The following CFAP77 variants were observed in gnomAD, a reference collection of about 807,000 sequenced individuals.
CFAP77 encodes cilia and flagella associated protein 77.
In CFAP77, 25 loss-of-function variants were observed where a neutral mutation model predicts 31.1. The ratio of observed to expected loss-of-function variants is 0.80; its 90% CI spans 0.59 to 1.12. The LOEUF is 1.12. Among genes scored for constraint, CFAP77 ranks in the 50% most tolerant of loss-of-function variants. The pLI, the probability that CFAP77 is intolerant of heterozygous loss-of-function variation, is 0.00. For synonymous variants in CFAP77, 151 were observed against 159.9 expected (o/e 0.94, Z 0.42); for missense variants, 377 against 397.3 (o/e 0.95, Z 0.44).
At chr9:132,462,562 G>A (rs1433345043) in intron 1 of CFAP77, among the ~76,000 whole-genome samples, 4 of 152,126 alleles carry the variant, frequency 2.6e-5, no homozygotes, top group African/African-American at 9.7e-5. Context: ...GCAAGAACAC[G>A]TTTGTCTTTG....
chr9:132,557,923 A>G (rs968690917), intron 5 of CFAP77, among the ~76,000 whole-genome samples: 5 of 152,174 alleles, frequency 3.3e-5, no homozygotes, highest in African/African-American at 1.2e-4. Flanking sequence ...AGCATCACTG[A>G]TACCATGGGA....
chr9:132,566,687 T>C (rs75965477), intron 5 of CFAP77, among the ~76,000 whole-genome samples: 5,585 of 152,292 alleles, frequency 0.037, 203 homozygotes, highest in Non-Finnish European at 0.05. Flanking sequence ...GTGGACACTT[T>C]TGCTCGAGTT....
intron 1 of CFAP77, among the ~76,000 whole-genome samples, chr9:132,458,188 T>TA (rs1305446136): frequency 6.6e-6 from 1 of 152,114 alleles, no homozygotes; most frequent in African/African-American, 2.4e-5. Flanking sequence ...AATCAGAACA[T>TA]AAAGAGGGAC....
At chr9:132,457,974 A>T (rs1234900437) in intron 1 of CFAP77, among the ~76,000 whole-genome samples, 1 of 152,214 alleles carries the variant, frequency 6.6e-6, no homozygotes, top group Non-Finnish European at 1.5e-5. Context: ...TCCCAGGCAC[A>T]GTTAGGAGTC....
chr9:132,432,764 A>G (rs1008856955), intron 1 of CFAP77, among the ~76,000 whole-genome samples: 3 of 151,766 alleles, frequency 2.0e-5, no homozygotes, highest in African/African-American at 7.3e-5. Flanking sequence ...CCTGGGCTGG[A>G]GTGCAGTGGC....
intron 5 of CFAP77, among the ~76,000 whole-genome samples, chr9:132,558,904 C>T (rs1852948401): frequency 6.6e-6 from 1 of 151,610 alleles, no homozygotes; most frequent in Non-Finnish European, 1.5e-5. Context: ...ATCCCAGTTG[C>T]TCAGGAGGCT....
chr9:132,487,615 T>C (rs55692255), intron 1 of CFAP77, among the ~76,000 whole-genome samples: 88 of 151,444 alleles, frequency 5.8e-4, no homozygotes, highest in Non-Finnish European at 1.1e-3. Flanking sequence ...GTAACAGTAG[T>C]CCATGTAGAA....
At chr9:132,500,003 A>C (rs1297486836) in intron 3 of CFAP77, among the ~76,000 whole-genome samples, 26 of 152,040 alleles carry the variant, frequency 1.7e-4, no homozygotes, top group Admixed American at 6.6e-5. Context: ...AATTTTAAAA[A>C]TTAGCTGGGC....
rs1294599092 is a variant in CFAP77 at position 132,481,557 on chromosome 9, A to C, written c.196-17138A>C. 2.0e-5 allele frequency among the ~76,000 whole-genome samples: 3 copies of C among 152,162 alleles called. No individual in the cohort carries two copies. The highest frequency in any genetic ancestry group is 7.2e-5 in the African/African-American group (3 of 41,436). On this transcript the variant is annotated intron_variant, in intron 1 of 5. Transcript: ENST00000393216. The surrounding 1 kb of genome is among the most constrained non-coding windows in gnomAD (Gnocchi z 5.0). Reference sequence around the variant, plus strand: ...CCGCTCCTGCTAGAGGAGGAGAAGCATTGCTGCTGAGGCCTCTGCATCATC... The same window carrying C: ...CCGCTCCTGCTAGAGGAGGAGAAGCCTTGCTGCTGAGGCCTCTGCATCATC...
rs540942849 is a variant in CFAP77, at chr9:132,564,022, A to G, written c.733-8366A>G. On this transcript the variant is annotated intron_variant, in intron 5 of 5. Coordinates refer to ENST00000393216, the MANE Select transcript of CFAP77 (RefSeq NM_001282957.2). The surrounding 1 kb of genome is among the most constrained non-coding windows in gnomAD (Gnocchi z 4.6). Reference sequence around the variant, plus strand: ...CTCAGGGAAGCCTTCTCTGGCCTCAATCAGAGTTGGAGTCTCTGTATCATA... The same window carrying G: ...CTCAGGGAAGCCTTCTCTGGCCTCAGTCAGAGTTGGAGTCTCTGTATCATA... Among the ~76,000 whole-genome samples, 134 of 152,238 alleles carry G rather than the reference A, an allele frequency of 8.8e-4. No homozygotes were observed. Among genetic ancestry groups the G allele is most frequent in the African/African-American group, 3.1e-3 (129 of 41,542 alleles).
intron 5 of CFAP77, among the ~76,000 whole-genome samples, chr9:132,571,654 C>G (rs529768466): frequency 6.6e-6 from 1 of 152,306 alleles, no homozygotes; most frequent in Admixed American, 6.5e-5. Context: ...CACCCTGTGC[C>G]GCCCTTAGGT....
At chr9:132,505,013 A>C in intron 3 of CFAP77, among the ~76,000 whole-genome samples, 1 of 152,250 alleles carries the variant, frequency 6.6e-6, no homozygotes. Context: ...TTGGTCCAAT[A>C]AATAAATAAA....
In CFAP77 at chr9:132,424,878, G is replaced by T. The variant is rs1454327354; in HGVS notation, c.195+14412G>T. On this transcript the variant is annotated intron_variant, in intron 1 of 5. Transcript: ENST00000393216. The surrounding 1 kb of genome is among the most constrained non-coding windows in gnomAD (Gnocchi z 4.1). ...CATCCCCTCCTCCTCTCCCAAACACGGCTCCCTTCTTCTCCCCACCTCCCT... is the reference window on the plus strand; with the variant it reads ...CATCCCCTCCTCCTCTCCCAAACACTGCTCCCTTCTTCTCCCCACCTCCCT... 6.6e-6 allele frequency among the ~76,000 whole-genome samples: 1 copy of T among 152,074 alleles called. No individual in the cohort carries two copies.
chr9:132,411,135 G>T (rs1010643588), intron 1 of CFAP77, among the ~76,000 whole-genome samples: 2 of 152,232 alleles, frequency 1.3e-5, no homozygotes, highest in African/African-American at 4.8e-5. Context: ...TCCCGCTGAT[G>T]GGAAACCAAC....
intron 1 of CFAP77, among the ~76,000 whole-genome samples, chr9:132,442,820 G>T (rs1234988910): frequency 1.3e-5 from 2 of 152,086 alleles, no homozygotes; most frequent in African/African-American, 4.8e-5. Context: ...GGGATTACAG[G>T]TGTGAGCCAC....
intron 1 of CFAP77, among the ~76,000 whole-genome samples, chr9:132,419,227 A>G (rs1850165420): frequency 6.6e-6 from 1 of 152,224 alleles, no homozygotes. Context: ...TCAGAAGCAT[A>G]CAAGATAAAT....
intron 5 of CFAP77, among the ~76,000 whole-genome samples, chr9:132,560,960 C>T (rs1040005605): frequency 2.0e-5 from 3 of 152,172 alleles, no homozygotes; most frequent in African/African-American, 7.2e-5. Context: ...CCTTGCTCAT[C>T]TATTTTTGGA....
Position 132,495,182 on chromosome 9 carries a change from G to A in CFAP77, c.196-3513G>A, listed in dbSNP as rs964598353. Among the ~76,000 whole-genome samples, 33 of 149,494 alleles carry A rather than the reference G, an allele frequency of 2.2e-4. No homozygotes were observed. Among genetic ancestry groups the A allele is most frequent in the Admixed American group, 9.9e-4 (15 of 15,184 alleles). ...GAAAGTATGAGCAAACCTCCCATTGGGATTTTTTTTTTTTGTAGTCTAAAG... is the reference window on the plus strand; with the variant it reads ...GAAAGTATGAGCAAACCTCCCATTGAGATTTTTTTTTTTTGTAGTCTAAAG... On this transcript the variant is annotated intron_variant, in intron 1 of 5. Transcript: ENST00000393216. This position sits in a 1 kb window ranked among gnomAD's most constrained non-coding sequence, Gnocchi z 4.2.
chr9:132,465,503 T>G (rs1197820854), intron 1 of CFAP77, among the ~76,000 whole-genome samples: 2 of 152,090 alleles, frequency 1.3e-5, no homozygotes, highest in Non-Finnish European at 2.9e-5. Context: ...AGTGGCAAGG[T>G]GCAGATCCCA....
Sources: allele counts gnomAD v4.1 joint callset (sites outside exome capture counted in the v4.1 genomes callset), GRCh38; gene constraint gnomAD v4.1.1; non-coding constraint Gnocchi (gnomAD v3.1); transcripts MANE v1.5; gene names NCBI Gene and HGNC (gene_info 2026-07-23, HGNC 2026-07-21).